Variants in USP15 observed in about 807,000 individuals in gnomAD.
USP15 encodes ubiquitin carboxyl-terminal hydrolase 15.
Under a neutral mutation model 127.1 loss-of-function variants are expected in USP15, and 18 were observed. The ratio of observed to expected loss-of-function variants is 0.14; its 90% CI spans 0.10 to 0.21. The LOEUF is 0.21. Ranked by LOEUF, USP15 falls within the 10% of genes least tolerant of loss-of-function variation. The pLI is 1.00. For synonymous variants in USP15, 364 were observed against 393.7 expected, an observed-to-expected ratio of 0.92 and a Z score of 0.89; for missense variants, 805 against 1,159.9, an observed-to-expected ratio of 0.69 and a Z score of 4.44.
intron 4 of USP15, among the ~76,000 whole-genome samples, chr12:62,319,010 C>T (rs969035600): frequency 1.3e-5 from 2 of 152,096 alleles, no homozygotes; most frequent in East Asian, 1.9e-4. Context: ...AGTCCATTCT[C>T]GCACTGCTAT....
At chr12:62,319,253 A>G (rs2064918149) in intron 4 of USP15, among the ~76,000 whole-genome samples, 1 of 152,164 alleles carries the variant, frequency 6.6e-6, no homozygotes. Flanking sequence ...ACTCACTGTC[A>G]TGGGAACAGC....
At chr12:62,362,780 C>A (rs2066357324) in intron 8 of USP15, among the ~76,000 whole-genome samples, 1 of 151,844 alleles carries the variant, frequency 6.6e-6, no homozygotes, top group Non-Finnish European at 1.5e-5. Context: ...ATGAGGGAGA[C>A]AAATATTAAA....
At chr12:62,360,507 AG>A (rs2066282267) in intron 8 of USP15, among the ~76,000 whole-genome samples, 3 of 152,042 alleles carry the variant, frequency 2.0e-5, no homozygotes. Flanking sequence ...ACAGAGAAAA[AG>A]TTATTTCTGA....
At chr12:62,294,951 CT>C (rs1359656889) in intron 2 of USP15, among the ~76,000 whole-genome samples, 1 of 152,192 alleles carries the variant, frequency 6.6e-6, no homozygotes, top group African/African-American at 2.4e-5. Context: ...AGCCCTCCAA[CT>C]GCCTTCAGTT....
intron 6 of USP15, among the ~76,000 whole-genome samples, chr12:62,347,316 T>G (rs1468517884): frequency 6.6e-6 from 1 of 151,056 alleles, no homozygotes; most frequent in Non-Finnish European, 1.5e-5. Context: ...CATATATATA[T>G]GTACACAGAC....
intron 8 of USP15, among the ~76,000 whole-genome samples, chr12:62,379,922 G>GTA (rs2066938097): frequency 6.6e-6 from 1 of 152,022 alleles, no homozygotes; most frequent in Admixed American, 6.6e-5. Flanking sequence ...CTCAAAAGGA[G>GTA]TATAAGATTA....
At chr12:62,402,388 G>GTACT (rs1440764160) in intron 21 of USP15, among the ~76,000 whole-genome samples, 1 of 151,910 alleles carries the variant, frequency 6.6e-6, no homozygotes, top group Non-Finnish European at 1.5e-5. Flanking sequence ...AGCATGATAA[G>GTACT]TACTATTAAA....
At chr12:62,403,058 A>G (rs982354182) in intron 21 of USP15, among the ~76,000 whole-genome samples, 5 of 152,120 alleles carry the variant, frequency 3.3e-5, no homozygotes, top group African/African-American at 1.2e-4. Flanking sequence ...ACCATTCACC[A>G]AGATTGGGAA....
At chr12:62,275,631 G>T (rs906136550) in intron 1 of USP15, among the ~76,000 whole-genome samples, 1 of 151,874 alleles carries the variant, frequency 6.6e-6, no homozygotes, top group Non-Finnish European at 1.5e-5. Context: ...GAGGTGATAT[G>T]AGGGGAGAGG....
intron 3 of USP15, among the ~76,000 whole-genome samples, chr12:62,307,803 C>T (rs2064529796): frequency 6.6e-6 from 1 of 152,072 alleles, no homozygotes; most frequent in South Asian, 2.1e-4. Flanking sequence ...TGTTGAAGGG[C>T]ATTAGTAGCA....
chr12:62,338,090 C>G (rs2065530424), intron 6 of USP15, among the ~76,000 whole-genome samples: 1 of 152,190 alleles, frequency 6.6e-6, no homozygotes, highest in South Asian at 2.1e-4. Flanking sequence ...AATTTACGGT[C>G]CCACCAGTAG....
At chr12:62,341,320 ACT>A (rs1294292747) in intron 6 of USP15, among the ~76,000 whole-genome samples, 2 of 151,276 alleles carry the variant, frequency 1.3e-5, no homozygotes, top group Non-Finnish European at 2.9e-5. Flanking sequence ...ATGGGTCTTG[ACT>A]CTTCATCCAA....
chr12:62,267,841 T>A (rs1341275795), intron 1 of USP15, among the ~76,000 whole-genome samples: 4 of 152,160 alleles, frequency 2.6e-5, no homozygotes, highest in Non-Finnish European at 5.9e-5. Context: ...ATCAAGTTCC[T>A]TGTTCCAGGT....
chr12:62,269,749 ATGT>A (rs1304805773), intron 1 of USP15, among the ~76,000 whole-genome samples: 2 of 152,062 alleles, frequency 1.3e-5, no homozygotes, highest in Non-Finnish European at 2.9e-5. Context: ...ATTGACCTAA[ATGT>A]TGTTATGTGG....
At chr12:62,326,718 T>G (rs2065138713) in intron 6 of USP15, among the ~76,000 whole-genome samples, 1 of 152,226 alleles carries the variant, frequency 6.6e-6, no homozygotes, top group East Asian at 1.9e-4. Flanking sequence ...CATGTTCTGA[T>G]AAGGGATTGT....
intron 3 of USP15, chr12:62,304,890 G>A: frequency 4.2e-6 from 1 of 236,232 alleles, no homozygotes; most frequent in Admixed American, 5.0e-5. Flanking sequence ...GAAGCAAATA[G>A]AATTCTAAAA....
intron 6 of USP15, among the ~76,000 whole-genome samples, chr12:62,326,977 A>AT (rs2065145785): frequency 6.6e-6 from 1 of 151,974 alleles, no homozygotes; most frequent in South Asian, 2.1e-4. Flanking sequence ...TAAAAATACA[A>AT]AAATTAGCCA....
At chr12:62,340,052 T>C (rs955217662) in intron 6 of USP15, among the ~76,000 whole-genome samples, 1 of 152,192 alleles carries the variant, frequency 6.6e-6, no homozygotes, top group Non-Finnish European at 1.5e-5. Context: ...GATTACTGCC[T>C]CAATTTCAGA....
At chr12:62,273,757 T>A (rs1512024) in intron 1 of USP15, among the ~76,000 whole-genome samples, 34 of 152,030 alleles carry the variant, frequency 2.2e-4, no homozygotes, top group African/African-American at 7.2e-4. Flanking sequence ...CATGAATCTC[T>A]TATAGGCATG....
Sources: allele counts gnomAD v4.1 joint callset (sites outside exome capture counted in the v4.1 genomes callset), GRCh38; gene constraint gnomAD v4.1.1; transcripts MANE v1.5; gene names NCBI Gene and HGNC (gene_info 2026-07-23, HGNC 2026-07-21).